Variants in CUX2 observed in about 807,000 individuals in gnomAD.
CUX2 encodes the protein homeobox protein cut-like 2.
In CUX2, 40 loss-of-function variants were observed where a neutral mutation model predicts 144.8. That is an observed-to-expected ratio of 0.28 (90% CI 0.21 to 0.36). The LOEUF (loss-of-function observed/expected upper bound fraction) is 0.36. Among genes scored for constraint, CUX2 ranks in the 10% least tolerant of loss-of-function variants. The pLI, the probability that CUX2 is intolerant of heterozygous loss-of-function variation, is 1.00. For missense variants in CUX2, 1,615 were observed against 1,994.0 expected (o/e 0.81, Z 3.62); for synonymous variants, 827 against 875.6 (o/e 0.94, Z 0.98).
Position 111,223,903 on chromosome 12 carries a change from C to T in CUX2, c.222+5966C>T, listed in dbSNP as rs78986209. 4.3e-3 allele frequency among the ~76,000 whole-genome samples: 658 copies of T among 152,288 alleles called. 3 individuals carry two copies. Among genetic ancestry groups the T allele is most frequent in the African/African-American group, 0.015 (605 of 41,556 alleles). On this transcript the variant is annotated intron_variant, in intron 3 of 21. Transcript: ENST00000261726. ...AGGTCCTGGGGGAGTAGGGAACCCT[C>T]CCTGACCACCCTGACCCTCCATCAA... is the stretch of plus-strand genomic sequence containing the variant.
intron 1 of CUX2, among the ~76,000 whole-genome samples, chr12:111,204,726 C>T (rs1419494215): frequency 1.3e-5 from 2 of 152,194 alleles, no homozygotes; most frequent in Non-Finnish European, 1.5e-5. Context: ...ATCCACTGCA[C>T]TCTAGATGCC....
intron 1 of CUX2, among the ~76,000 whole-genome samples, chr12:111,040,723 A>G (rs1192902346): frequency 6.6e-6 from 1 of 152,206 alleles, no homozygotes; most frequent in East Asian, 1.9e-4. Flanking sequence ...TAGGTTTACC[A>G]TCAGATGGGG....
chr12:111,095,894 G>A (rs935707177), intron 1 of CUX2, among the ~76,000 whole-genome samples: 2 of 152,170 alleles, frequency 1.3e-5, no homozygotes, highest in Admixed American at 6.5e-5. Context: ...TGTAGGGTCC[G>A]GAAATGCTGG....
At position 111,117,279 on chromosome 12, in the gene CUX2, T is replaced by A. The variant is rs538399831; in HGVS notation, c.63+83039T>A. On this transcript the variant is annotated intron_variant, in intron 1 of 21. Coordinates refer to ENST00000261726, the MANE Select transcript of CUX2 (RefSeq NM_015267.4). The stretch of plus-strand genomic sequence containing the variant: ...CTTTCATACTCGCATGACCCATTCA[T>A]TGGCTACATGTCCATCATATATGGG... Among the ~76,000 whole-genome samples, 27 of 152,348 alleles carry A rather than the reference T, an allele frequency of 1.8e-4. 1 individual carries two copies. Among genetic ancestry groups the A allele is most frequent in the African/African-American group, 6.5e-4 (27 of 41,588 alleles).
At position 111,037,331 on chromosome 12, in the gene CUX2, C is replaced by T. The variant is rs182086132; in HGVS notation, c.63+3091C>T. 4.3e-3 allele frequency among the ~76,000 whole-genome samples: 657 copies of T among 152,388 alleles called. 3 individuals are homozygous for T. Among genetic ancestry groups the T allele is most frequent in the Middle Eastern group, 0.01 (3 of 294 alleles). On this transcript the variant is annotated intron_variant, in intron 1 of 21. Transcript: ENST00000261726. This position sits in a 1 kb window ranked among gnomAD's most constrained non-coding sequence, Gnocchi z 5.4. ...GCCATACCACGTCGCTGACGCCATA[C>T]CGATCCTGGCAAGAAAGGTGACCTT... is the stretch of plus-strand genomic sequence containing the variant.
chr12:111,098,597 C>T (rs1259351852), intron 1 of CUX2, among the ~76,000 whole-genome samples: 4 of 152,178 alleles, frequency 2.6e-5, no homozygotes, highest in Non-Finnish European at 4.4e-5. Flanking sequence ...TCTTGACGCT[C>T]GGGGACTGCG....
At chr12:111,202,526 G>A (rs551057396) in intron 1 of CUX2, among the ~76,000 whole-genome samples, 7 of 152,328 alleles carry the variant, frequency 4.6e-5, no homozygotes, top group Admixed American at 2.0e-4. Context: ...TGGGGGTGAC[G>A]GGTGGGATTG....
chr12:111,066,861 T>G (rs1352601591), intron 1 of CUX2, among the ~76,000 whole-genome samples: 2 of 152,182 alleles, frequency 1.3e-5, no homozygotes, highest in Non-Finnish European at 2.9e-5. Flanking sequence ...CTTCTCCAAC[T>G]GCAAGGTGGG....
At chr12:111,297,090 T>G (rs1592932847) in intron 8 of CUX2, among the ~76,000 whole-genome samples, 1 of 132,940 alleles carries the variant, frequency 7.5e-6, no homozygotes, top group East Asian at 2.4e-4. Context: ...CCTCCAGTAC[T>G]TGCCTCCTCC....
At chr12:111,195,314 G>C (rs562040554) in intron 1 of CUX2, among the ~76,000 whole-genome samples, 2 of 152,022 alleles carry the variant, frequency 1.3e-5, no homozygotes, top group African/African-American at 4.8e-5. Flanking sequence ...TGGTATGTTG[G>C]CTGACAACCT....
chr12:111,138,531 T>C (rs1876078927), intron 1 of CUX2, among the ~76,000 whole-genome samples: 1 of 152,134 alleles, frequency 6.6e-6, no homozygotes, highest in Non-Finnish European at 1.5e-5. Context: ...AGTTTCCCCA[T>C]GGCAGCCCCC....
chr12:111,249,712 C>G (rs780186693), intron 3 of CUX2, among the ~76,000 whole-genome samples: 1 of 152,060 alleles, frequency 6.6e-6, no homozygotes, highest in Non-Finnish European at 1.5e-5. Flanking sequence ...CTGCCTTGAG[C>G]CTTCCAAAGT....
rs1883777576 is a variant in CUX2, at chr12:111,255,575, G to T, written c.223-8186G>T. ...ACCAAAGAATCGATTCTGAGTGGAGGCTGAGAAGCATGGGCTTTGCTGTCA... is the reference window on the plus strand; with the variant it reads ...ACCAAAGAATCGATTCTGAGTGGAGTCTGAGAAGCATGGGCTTTGCTGTCA... On this transcript the variant is annotated intron_variant, in intron 3 of 21. Coordinates refer to ENST00000261726, the MANE Select transcript of CUX2 (RefSeq NM_015267.4). The surrounding 1 kb of genome is among the most constrained non-coding windows in gnomAD (Gnocchi z 4.1). Among the ~76,000 whole-genome samples, 1 of 152,194 alleles carries T rather than the reference G, an allele frequency of 6.6e-6. No homozygotes were observed. The highest frequency in any genetic ancestry group is 1.5e-5 in the Non-Finnish European group (1 of 68,032).
At chr12:111,200,881 A>G (rs1021734707) in intron 1 of CUX2, among the ~76,000 whole-genome samples, 1 of 152,178 alleles carries the variant, frequency 6.6e-6, no homozygotes, top group African/African-American at 2.4e-5. Context: ...CATTTATATT[A>G]GCAGTGATGC....
chr12:111,082,708 C>T (rs1004706056), intron 1 of CUX2, among the ~76,000 whole-genome samples: 8 of 152,128 alleles, frequency 5.3e-5, no homozygotes, highest in Non-Finnish European at 1.0e-4. Context: ...GTGGAAGACT[C>T]GCCGGGAGGT....
intron 1 of CUX2, among the ~76,000 whole-genome samples, chr12:111,081,432 C>A (rs1405550118): frequency 6.6e-6 from 1 of 152,034 alleles, no homozygotes; most frequent in Non-Finnish European, 1.5e-5. Context: ...GGTGTAGTTT[C>A]TGTAAATTAA....
At chr12:111,072,960 G>C (rs979286992) in intron 1 of CUX2, among the ~76,000 whole-genome samples, 6 of 152,084 alleles carry the variant, frequency 3.9e-5, no homozygotes, top group African/African-American at 1.4e-4. Flanking sequence ...AGAAAGAACA[G>C]ATAAGCAAAA....
At chr12:111,106,585 C>T (rs1873619526) in intron 1 of CUX2, among the ~76,000 whole-genome samples, 1 of 152,208 alleles carries the variant, frequency 6.6e-6, no homozygotes, top group Admixed American at 6.5e-5. Flanking sequence ...TGTGCACCAC[C>T]ATATCTGGCC....
At chr12:111,344,643 A>C (rs1295253497) in intron 21 of CUX2, among the ~76,000 whole-genome samples, 7 of 152,168 alleles carry the variant, frequency 4.6e-5, no homozygotes, top group Admixed American at 4.6e-4. Flanking sequence ...GAGCTCTGGA[A>C]GGTGGGCAAG....
Sources: gnomAD v4.1 joint callset for allele counts (sites outside exome capture counted in the v4.1 genomes callset) on GRCh38, gnomAD v4.1.1 for gene constraint, Gnocchi (gnomAD v3.1) non-coding constraint, MANE v1.5 for transcripts, NCBI Gene and HGNC (gene_info 2026-07-23, HGNC 2026-07-21) for gene names.